PDE4D: variants seen among roughly 807,000 people sequenced by gnomAD.
The protein encoded by PDE4D is 3',5'-cyclic-AMP phosphodiesterase 4D.
A neutral mutation model predicts 87.4 loss-of-function variants in PDE4D; 24 were observed. That is an observed-to-expected ratio of 0.27 (90% CI 0.20 to 0.39). PDE4D has a LOEUF of 0.39. PDE4D is among the 10% of genes least tolerant of loss of function. PDE4D has a pLI of 1.00. For synonymous variants in PDE4D, 384 were observed against 383.2 expected, an observed-to-expected ratio of 1.00 and a Z score of -0.02; for missense variants, 714 against 1,041.0, an observed-to-expected ratio of 0.69 and a Z score of 4.32.
chr5:60,037,941 G>A (rs574061742), intron 2 of PDE4D, among the ~76,000 whole-genome samples: 1 of 152,076 alleles, frequency 6.6e-6, no homozygotes, highest in Non-Finnish European at 1.5e-5. Context: ...TATTGTCTAA[G>A]TGACATATTT....
At chr5:59,418,132 G>T (rs796565417) in intron 1 of PDE4D, among the ~76,000 whole-genome samples, 2 of 152,224 alleles carry the variant, frequency 1.3e-5, no homozygotes, top group African/African-American at 4.8e-5. Flanking sequence ...GGTATTCCAA[G>T]GTGTGTCTTC....
chr5:59,232,778 T>C (rs913838576), intron 1 of PDE4D, among the ~76,000 whole-genome samples: 1 of 151,468 alleles, frequency 6.6e-6, no homozygotes, highest in African/African-American at 2.4e-5. Flanking sequence ...TCAACCAAAG[T>C]ATCCACCAAC....
intron 2 of PDE4D, among the ~76,000 whole-genome samples, chr5:60,022,254 G>A (rs551199840): frequency 1.2e-4 from 19 of 152,242 alleles, no homozygotes; most frequent in Admixed American, 9.8e-4. Context: ...GGCTAAAAAC[G>A]TTTTTGTAGA....
intron 1 of PDE4D, among the ~76,000 whole-genome samples, chr5:59,319,447 T>C (rs1168832002): frequency 6.6e-6 from 1 of 152,044 alleles, no homozygotes; most frequent in Admixed American, 6.6e-5. Flanking sequence ...AAACACTCAG[T>C]TGTGGGAAGG....
chr5:60,105,022 G>C (rs1776714051), intron 2 of PDE4D, among the ~76,000 whole-genome samples: 1 of 152,242 alleles, frequency 6.6e-6, no homozygotes, highest in South Asian at 2.1e-4. Context: ...GAATGACTTT[G>C]ACGAGTTGAG....
intron 1 of PDE4D, among the ~76,000 whole-genome samples, chr5:59,754,002 T>G (rs550926345): frequency 6.6e-6 from 1 of 152,128 alleles, no homozygotes. Flanking sequence ...GAAGTTTCTA[T>G]CAACAGTGTA....
chr5:60,036,732 G>T (rs1028135836), intron 2 of PDE4D, among the ~76,000 whole-genome samples: 1 of 152,140 alleles, frequency 6.6e-6, no homozygotes, highest in African/African-American at 2.4e-5. Context: ...GCACTTTGTT[G>T]CCTAGTTACC....
intron 5 of PDE4D, among the ~76,000 whole-genome samples, chr5:59,127,405 A>T (rs1775560174): frequency 6.6e-6 from 1 of 151,972 alleles, no homozygotes; most frequent in Non-Finnish European, 1.5e-5. Context: ...AACAGAATTA[A>T]TTTTTTTCCT....
chr5:59,308,714 T>C (rs1771931616), intron 1 of PDE4D, among the ~76,000 whole-genome samples: 1 of 152,032 alleles, frequency 6.6e-6, no homozygotes, highest in Admixed American at 6.6e-5. Flanking sequence ...CGTGGTTTAA[T>C]GCTCTATTTT....
At chr5:59,624,599 G>A (rs572965554) in intron 1 of PDE4D, among the ~76,000 whole-genome samples, 2 of 152,344 alleles carry the variant, frequency 1.3e-5, no homozygotes, top group African/African-American at 4.8e-5. Flanking sequence ...CTGATGCACA[G>A]AGGAATTATG....
chr5:59,965,101 G>T (rs1472736914), intron 3 of PDE4D, among the ~76,000 whole-genome samples: 1 of 152,076 alleles, frequency 6.6e-6, no homozygotes, highest in Non-Finnish European at 1.5e-5. Flanking sequence ...TGGATAAACT[G>T]TCCTTGATCC....
At chr5:60,254,924 T>G (rs1748880399) in intron 1 of PDE4D, among the ~76,000 whole-genome samples, 1 of 151,862 alleles carries the variant, frequency 6.6e-6, no homozygotes, top group Middle Eastern at 3.2e-3. Context: ...ATACAGCTAT[T>G]AATATACAAT....
chr5:59,967,293 T>C (rs1345027806), intron 3 of PDE4D, among the ~76,000 whole-genome samples: 1 of 152,052 alleles, frequency 6.6e-6, no homozygotes, highest in African/African-American at 2.4e-5. Flanking sequence ...AGATAGCTTC[T>C]GCACAGCAAA....
At chr5:59,763,001 G>C (rs1027534934) in intron 1 of PDE4D, among the ~76,000 whole-genome samples, 3 of 150,510 alleles carry the variant, frequency 2.0e-5, no homozygotes, top group Admixed American at 6.6e-5. Flanking sequence ...TACATATGAA[G>C]TTAAAAGACA....
intron 1 of PDE4D, among the ~76,000 whole-genome samples, chr5:59,773,032 A>C (rs1763733121): frequency 6.6e-6 from 1 of 152,196 alleles, no homozygotes; most frequent in African/African-American, 2.4e-5. Context: ...AATCCCCATG[A>C]TATAAGTGTT....
chr5:60,055,417 A>G (rs1770666444), intron 2 of PDE4D, among the ~76,000 whole-genome samples: 1 of 152,070 alleles, frequency 6.6e-6, no homozygotes, highest in African/African-American at 2.4e-5. Context: ...AAAGCCCAAG[A>G]TAAGTAAGTT....
chr5:59,722,210 T>G (rs1324828811), intron 1 of PDE4D, among the ~76,000 whole-genome samples: 1 of 152,214 alleles, frequency 6.6e-6, no homozygotes, highest in African/African-American at 2.4e-5. Context: ...AAAGCACAAC[T>G]TTAGGACAAT....
intron 2 of PDE4D, among the ~76,000 whole-genome samples, chr5:60,128,794 T>C (rs1779336283): frequency 1.3e-5 from 2 of 152,202 alleles, no homozygotes. Flanking sequence ...TTATCTCTCA[T>C]TGATTCACTA....
At chr5:59,698,700 A>G (rs298088) in intron 1 of PDE4D, among the ~76,000 whole-genome samples, 119,754 of 152,118 alleles carry the variant, frequency 0.79, 47,606 homozygotes, top group African/African-American at 0.9. Context: ...AATCTATTCA[A>G]AAGAAAACCA....
Sources: gnomAD v4.1 joint callset for allele counts (sites outside exome capture counted in the v4.1 genomes callset) on GRCh38, gnomAD v4.1.1 for gene constraint, MANE v1.5 for transcripts, NCBI Gene and HGNC (gene_info 2026-07-23, HGNC 2026-07-21) for gene names.